RBMS3: variants seen among roughly 807,000 people sequenced by gnomAD.
RBMS3 encodes the protein RNA-binding motif, single-stranded-interacting protein 3.
In RBMS3, 27 loss-of-function variants were observed where a neutral mutation model predicts 66.8. The ratio of observed to expected loss-of-function variants is 0.40; its 90% confidence interval spans 0.30 to 0.56. RBMS3 has a LOEUF of 0.56. RBMS3 is among the 20% of genes least tolerant of loss of function. The pLI is 0.40. For synonymous variants in RBMS3, 188 were observed against 183.0 expected (o/e 1.03, Z -0.22); for missense variants, 513 against 549.5 (o/e 0.93, Z 0.66).
intron 2 of RBMS3, among the ~76,000 whole-genome samples, chr3:29,473,752 G>A (rs897236855): frequency 6.6e-6 from 1 of 152,222 alleles, no homozygotes; most frequent in Admixed American, 6.5e-5. Context: ...CAGGTACTAA[G>A]CCGCTCATTG....
chr3:29,562,086 T>C (rs1434024387), intron 3 of RBMS3, among the ~76,000 whole-genome samples: 1 of 152,182 alleles, frequency 6.6e-6, no homozygotes, highest in Non-Finnish European at 1.5e-5. Context: ...TATTCAACTT[T>C]AGCATCCTGT....
intron 1 of RBMS3, among the ~76,000 whole-genome samples, chr3:29,359,731 A>G (rs930088385): frequency 6.6e-6 from 1 of 152,060 alleles, no homozygotes; most frequent in East Asian, 1.9e-4. Context: ...AGAGCCTGTT[A>G]TTGGTCTATT....
chr3:29,569,071 A>T (rs1487361149), intron 3 of RBMS3, among the ~76,000 whole-genome samples: 1 of 152,124 alleles, frequency 6.6e-6, no homozygotes, highest in Non-Finnish European at 1.5e-5. Flanking sequence ...TGATGCCAAC[A>T]TTGCTTTTCC....
intron 7 of RBMS3, among the ~76,000 whole-genome samples, chr3:29,874,697 G>A (rs985911380): frequency 6.6e-6 from 1 of 152,184 alleles, no homozygotes; most frequent in African/African-American, 2.4e-5. Flanking sequence ...GCAATTTAGA[G>A]AGCAAGCTCA....
intron 10 of RBMS3, among the ~76,000 whole-genome samples, chr3:29,902,275 A>G (rs1296302312): frequency 6.6e-6 from 1 of 151,912 alleles, no homozygotes; most frequent in Non-Finnish European, 1.5e-5. Context: ...TAATTTCTGG[A>G]AAAGAGCACT....
At chr3:29,362,480 G>C (rs747437093) in intron 1 of RBMS3, among the ~76,000 whole-genome samples, 2 of 152,190 alleles carry the variant, frequency 1.3e-5, no homozygotes, top group Non-Finnish European at 2.9e-5. Flanking sequence ...CTCCCAGATA[G>C]GCTGCTCGGG....
At chr3:29,679,818 C>T (rs375314811) in intron 4 of RBMS3, among the ~76,000 whole-genome samples, 1 of 149,136 alleles carries the variant, frequency 6.7e-6, no homozygotes, top group East Asian at 1.9e-4. Context: ...ACTGCTAAAA[C>T]ATATTGACTC....
At position 29,451,127 on chromosome 3, in the gene RBMS3, C is replaced by G. The variant is rs377371772; in HGVS notation, c.248+16212C>G. ...TGTTGGAATTAATTTCCAGATCCTG[C>G]GAATGTTTCTGACATCTTATACTCT... On this transcript the variant is annotated intron_variant, in intron 2 of 14. Transcript: ENST00000383767. Among the ~76,000 whole-genome samples the G allele has an allele frequency of 7.8e-4, 119 of 152,260 alleles. 2 individuals carry two copies. The South Asian group carries it at 7.9e-3, about 10-fold the overall frequency.
chr3:29,402,234 A>T (rs918790447), intron 1 of RBMS3, among the ~76,000 whole-genome samples: 1 of 152,086 alleles, frequency 6.6e-6, no homozygotes, highest in Non-Finnish European at 1.5e-5. Context: ...AGGAAACATT[A>T]TTCTAATGAA....
Position 30,010,296 on chromosome 3 carries a change from T to C in RBMS3, c.*6434T>C, listed in dbSNP as rs955060811. On this transcript the variant is annotated 3_prime_UTR_variant, in exon 15 of 15. Coordinates refer to ENST00000383767, the MANE Select transcript of RBMS3 (RefSeq NM_001003793.3). ...GTCAAATTAGCAACCATCTCCCCCATCCCTTGGGCTTTCTGTAGATCAGTG... is the reference window on the plus strand; with the variant it reads ...GTCAAATTAGCAACCATCTCCCCCACCCCTTGGGCTTTCTGTAGATCAGTG... 6.6e-6 allele frequency: 1 copy of C among 152,196 alleles called. No individual in the cohort carries two copies. The highest frequency in any genetic ancestry group is 1.5e-5 in the Non-Finnish European group (1 of 68,030). The allele number at this position is 152,196 out of a possible 1,614,324, so 9.4% of individuals were successfully genotyped here. A position where few individuals can be genotyped will look rare whatever the true frequency, so the allele number is the denominator to read the frequency against.
At chr3:29,616,704 T>G (rs2149143476) in intron 4 of RBMS3, 1 of 152,314 alleles carries the variant, frequency 6.6e-6, no homozygotes, top group South Asian at 2.1e-4. Flanking sequence ...CTCAATAAAT[T>G]TACCTGCTAT....
chr3:29,299,580 T>C (rs908529522), intron 1 of RBMS3, among the ~76,000 whole-genome samples: 1 of 151,792 alleles, frequency 6.6e-6, no homozygotes. Flanking sequence ...TAGAAATTAT[T>C]TGAAAAAAAA....
chr3:29,800,331 G>A (rs2057350084), intron 6 of RBMS3, among the ~76,000 whole-genome samples: 1 of 151,818 alleles, frequency 6.6e-6, no homozygotes. Flanking sequence ...AGGGATGAGA[G>A]GAAAGAGTTT....
At chr3:29,443,174 T>G (rs2125742625) in intron 2 of RBMS3, among the ~76,000 whole-genome samples, 1 of 152,152 alleles carries the variant, frequency 6.6e-6, no homozygotes, top group East Asian at 1.9e-4. Context: ...TGAATAGTGG[T>G]CCAAATAAAA....
intron 10 of RBMS3, among the ~76,000 whole-genome samples, chr3:29,935,508 T>G (rs992102017): frequency 2.0e-4 from 31 of 152,018 alleles, no homozygotes; most frequent in Admixed American, 1.5e-3. Context: ...GGTCAAAAGG[T>G]TAGGAGGAAA....
chr3:29,998,453 G>A (rs1254561522), intron 14 of RBMS3, among the ~76,000 whole-genome samples: 14 of 151,948 alleles, frequency 9.2e-5, no homozygotes, highest in Admixed American at 2.0e-4. Context: ...AGCCCACATC[G>A]CCAAGTCAAT....
At chr3:29,484,566 A>G (rs2043253029) in intron 2 of RBMS3, among the ~76,000 whole-genome samples, 1 of 152,200 alleles carries the variant, frequency 6.6e-6, no homozygotes, top group Non-Finnish European at 1.5e-5. Context: ...CAATTTTAAC[A>G]TATTAATTTT....
intron 4 of RBMS3, among the ~76,000 whole-genome samples, chr3:29,731,537 G>A (rs943408074): frequency 5.9e-5 from 9 of 152,122 alleles, no homozygotes; most frequent in African/African-American, 1.7e-4. Context: ...AAGGGTGAAA[G>A]CCTACTTCTT....
chr3:29,796,878 A>G (rs2057214800), intron 6 of RBMS3, among the ~76,000 whole-genome samples: 1 of 151,736 alleles, frequency 6.6e-6, no homozygotes, highest in Non-Finnish European at 1.5e-5. Flanking sequence ...ACACCTGGCT[A>G]ATTTTTTGTA....
Sources: allele counts gnomAD v4.1 joint callset (sites outside exome capture counted in the v4.1 genomes callset), GRCh38; gene constraint gnomAD v4.1.1; transcripts MANE v1.5; gene names NCBI Gene and HGNC (gene_info 2026-07-23, HGNC 2026-07-21).